The following CYFIP1 variants were observed in gnomAD, a reference collection of about 807,000 sequenced individuals.
CYFIP1 encodes the protein cytoplasmic FMR1 interacting protein 1.
CYFIP1 carries 58 observed loss-of-function variants against 163.5 expected under a neutral mutation model. The ratio of observed to expected loss-of-function variants is 0.35; its 90% CI spans 0.29 to 0.44. The LOEUF is 0.44. CYFIP1 is among the 20% of genes least tolerant of loss of function. CYFIP1 has a pLI of 1.00. For missense variants in CYFIP1, 1,338 were observed against 1,653.8 expected (o/e 0.81, Z 3.31); for synonymous variants, 663 against 660.7 (o/e 1.00, Z -0.05).
chr15:22,967,761 C>T (rs973131312), intron 1 of CYFIP1, among the ~76,000 whole-genome samples: 2 of 152,060 alleles, frequency 1.3e-5, no homozygotes, highest in African/African-American at 4.8e-5. Context: ...ACAAGAAGGC[C>T]GGGCATGGTG....
At chr15:22,922,617 C>T (rs2061222374) in intron 13 of CYFIP1, among the ~76,000 whole-genome samples, 1 of 152,210 alleles carries the variant, frequency 6.6e-6, no homozygotes, top group South Asian at 2.1e-4. Flanking sequence ...CTCACACAAC[C>T]TTGTCAAACG....
intron 17 of CYFIP1, among the ~76,000 whole-genome samples, chr15:22,913,932 A>C (rs1207622743): frequency 6.6e-6 from 1 of 152,214 alleles, no homozygotes; most frequent in Non-Finnish European, 1.5e-5. Flanking sequence ...GGACTGACGC[A>C]CAAGGAACTC....
At chr15:22,962,908 C>G (rs1478357139) in intron 1 of CYFIP1, among the ~76,000 whole-genome samples, 1 of 152,168 alleles carries the variant, frequency 6.6e-6, no homozygotes, top group African/African-American at 2.4e-5. Context: ...CATGTCCTGT[C>G]TCCTGCTGCT....
intron 20 of CYFIP1, 106 bp downstream of exon 20, chr15:22,910,414 G>C: frequency 1.2e-6 from 1 of 845,528 alleles, no homozygotes; most frequent in Non-Finnish European, 1.9e-6. Flanking sequence ...CGCCCACCTT[G>C]GCCTCCCAGT....
chr15:22,946,967 T>C, intron 3 of CYFIP1, 36 bp downstream of exon 3: 1 of 1,576,280 alleles, frequency 6.3e-7, no homozygotes, highest in African/African-American at 1.3e-5. Context: ...CACGCCCTTC[T>C]CTGCAGAGAG....
In CYFIP1 at chr15:22,942,949, G is replaced by A. The variant is rs142307908; in HGVS notation, c.569+224C>T. On this transcript the variant is annotated intron_variant, in intron 6 of 30. Coordinates refer to ENST00000617928, the MANE Select transcript of CYFIP1 (RefSeq NM_014608.6). ...CATCTGAGGACAGCCAGGGCACGAA[G>A]AGCCTGCTCTAGCTGTGCAAAGCCA... is the stretch of plus-strand genomic sequence containing the variant. Among the ~76,000 whole-genome samples the A allele has an allele frequency of 1.7e-4, 26 of 152,334 alleles. 1 individual carries two copies. In the East Asian group the frequency reaches 5.0e-3, roughly 29 times the overall value.
intron 13 of CYFIP1, among the ~76,000 whole-genome samples, chr15:22,923,322 A>G (rs1250653441): frequency 6.6e-6 from 1 of 152,216 alleles, no homozygotes; most frequent in African/African-American, 2.4e-5. Flanking sequence ...ACATTTCTCC[A>G]AATAATGCAC....
At chr15:22,907,383 G>A (rs1292389563) in intron 21 of CYFIP1, among the ~76,000 whole-genome samples, 1 of 152,128 alleles carries the variant, frequency 6.6e-6, no homozygotes, top group Non-Finnish European at 1.5e-5. Context: ...AAGGACTGTG[G>A]TATCCCCAGG....
At chr15:22,890,082 A>T (rs1036380261) in intron 23 of CYFIP1, among the ~76,000 whole-genome samples, 1 of 151,932 alleles carries the variant, frequency 6.6e-6, no homozygotes, top group African/African-American at 2.4e-5. Flanking sequence ...TGGGCGGATC[A>T]TTTGAGGTCA....
At chr15:22,921,068 G>A (rs7495263) in intron 13 of CYFIP1, among the ~76,000 whole-genome samples, 1 of 151,980 alleles carries the variant, frequency 6.6e-6, no homozygotes, top group Admixed American at 6.6e-5. Flanking sequence ...CCCCAAAATC[G>A]AAGAAAAATA....
At chr15:22,950,279 A>C (rs2062205034) in intron 1 of CYFIP1, among the ~76,000 whole-genome samples, 1 of 152,226 alleles carries the variant, frequency 6.6e-6, no homozygotes, top group South Asian at 2.1e-4. Flanking sequence ...TGATACAGGT[A>C]GGTAAGTCGA....
At chr15:22,914,701 G>A in intron 17 of CYFIP1, 25 bp downstream of exon 17, 8 of 1,592,452 alleles carry the variant, frequency 5.0e-6, no homozygotes, top group Non-Finnish European at 6.9e-6. Flanking sequence ...CACAAAGGCT[G>A]GAGACAGGCC....
Position 22,867,239 on chromosome 15 carries a change from A to T in CYFIP1, c.*2789T>A, listed in dbSNP as rs956254831. Reference sequence around the variant, plus strand: ...TGACCATGTAAGGCTTTTTTATTTTAAAAAAACAGAGTTATCCCAATACAT... The same window carrying T: ...TGACCATGTAAGGCTTTTTTATTTTTAAAAAACAGAGTTATCCCAATACAT... On this transcript the variant is annotated 3_prime_UTR_variant, in exon 31 of 31. Transcript: ENST00000617928. 2 of 404,032 alleles carry T rather than the reference A, an allele frequency of 5.0e-6. No homozygotes were observed. Among genetic ancestry groups the T allele is most frequent in the Admixed American group, 4.2e-5 (1 of 23,568 alleles). The allele number at this position is 404,032 out of a possible 1,614,324, so 25.0% of individuals were successfully genotyped here.
chr15:22,931,160 G>C (rs539399138), intron 11 of CYFIP1, among the ~76,000 whole-genome samples: 1 of 152,304 alleles, frequency 6.6e-6, no homozygotes, highest in South Asian at 2.1e-4. Context: ...CCACAGAGTT[G>C]TCCCCGCTAA....
intron 1 of CYFIP1, among the ~76,000 whole-genome samples, chr15:22,959,523 C>T (rs1228695006): frequency 3.3e-5 from 5 of 152,220 alleles, no homozygotes; most frequent in African/African-American, 9.6e-5. Context: ...CCCGCATGGC[C>T]GGGCAGTCCC....
intron 8 of CYFIP1, 94 bp downstream of exon 8, chr15:22,939,098 A>G (rs2061810540): frequency 2.0e-6 from 3 of 1,484,892 alleles, no homozygotes; most frequent in African/African-American, 2.8e-5. Context: ...AATAAGACAC[A>G]GCTGTCAAAA....
chr15:22,898,713 C>T (rs994555575), intron 22 of CYFIP1, among the ~76,000 whole-genome samples: 1 of 151,898 alleles, frequency 6.6e-6, no homozygotes, highest in Non-Finnish European at 1.5e-5. Context: ...TTTTAAAAAC[C>T]TTTTTGTAGA....
At chr15:22,977,257 C>T (rs2063312306) in intron 1 of CYFIP1, among the ~76,000 whole-genome samples, 2 of 151,586 alleles carry the variant, frequency 1.3e-5, no homozygotes, top group African/African-American at 4.8e-5. Flanking sequence ...ATCTTGTGAC[C>T]TTGCTAACCT....
intron 1 of CYFIP1, among the ~76,000 whole-genome samples, chr15:22,958,475 C>G (rs1309602254): frequency 1.3e-5 from 2 of 152,204 alleles, no homozygotes; most frequent in Non-Finnish European, 2.9e-5. Context: ...AAACAGAAAT[C>G]AAGTTTGAAA....
Sources: allele counts gnomAD v4.1 joint callset (sites outside exome capture counted in the v4.1 genomes callset), GRCh38; gene constraint gnomAD v4.1.1; transcripts MANE v1.5; gene names NCBI Gene and HGNC (gene_info 2026-07-23, HGNC 2026-07-21).